Variants in DSTYK observed in about 807,000 individuals in gnomAD.
The protein encoded by DSTYK is dual serine/threonine and tyrosine protein kinase.
A neutral mutation model predicts 98.7 loss-of-function variants in DSTYK; 34 were observed. That is an observed-to-expected ratio of 0.34 (90% CI 0.26 to 0.46). The LOEUF (loss-of-function observed/expected upper bound fraction) is 0.46, where lower values mean the gene tolerates loss of function less well. DSTYK is among the 20% of genes least tolerant of loss of function. The pLI is 1.00. For synonymous variants in DSTYK, 462 were observed against 457.3 expected, an observed-to-expected ratio of 1.01 and a Z score of -0.13; for missense variants, 962 against 1,181.7, an observed-to-expected ratio of 0.81 and a Z score of 2.73.
Position 205,162,926 on chromosome 1 carries a change from T to C in DSTYK, c.1638A>G (p.Lys546=), listed in dbSNP as rs201947656. ...TTCTCTAAGTAATAATCCCTACCTG[T>C]TTGATTTGCTCCCATAGCATCCTTG... ...SVTRMLWEQI[K]QIIQRITWVS... The change falls in exon 5 of 13, where the codon AAA becomes AAG. Residue 546 remains lysine (K), a synonymous_variant. Coordinates refer to ENST00000367162, the MANE Select transcript of DSTYK (RefSeq NM_015375.3). The C allele has an allele frequency of 3.1e-6, 5 of 1,612,002 alleles. No individual in the cohort carries two copies. In the African/African-American group the frequency reaches 5.3e-5, roughly 17 times the overall value.
At chr1:205,152,541 C>T (rs781049121) in intron 10 of DSTYK, among the ~76,000 whole-genome samples, 46 of 152,324 alleles carry the variant, frequency 3.0e-4, no homozygotes, top group African/African-American at 1.1e-3. Context: ...TGTCATTGCG[C>T]AGTGCATGAC....
Position 205,187,737 on chromosome 1 carries a change from G to C in DSTYK, c.335C>G (p.Pro112Arg), listed in dbSNP as rs1447063850. The stretch of plus-strand genomic sequence containing the variant: ...ATCCTGGCCGAGGATCAGTATGCAA[G>C]GGAGGCAGTCCACAATCTGCTGGAG... ...KYLQQIVDCL[P>R]CILILGQDCN... The change falls in exon 2 of 13, where the codon CCT becomes CGT. Residue 112 changes from proline to arginine, a missense_variant. Physicochemically the swap from Pro to Arg is moderately radical, Grantham distance 103 (BLOSUM62 -2). This residue lies in a region of DSTYK where 660 missense variants were observed against 855.0 expected (regional missense o/e 0.77). Coordinates refer to ENST00000367162, the MANE Select transcript of DSTYK (RefSeq NM_015375.3). 1 of 1,614,204 alleles carries C rather than the reference G, an allele frequency of 6.2e-7. No individual in the cohort carries two copies. Among genetic ancestry groups the C allele is most frequent in the Non-Finnish European group, 8.5e-7 (1 of 1,180,042 alleles).
At chr1:205,176,164 A>G (rs564731042) in intron 2 of DSTYK, among the ~76,000 whole-genome samples, 1 of 152,166 alleles carries the variant, frequency 6.6e-6, no homozygotes, top group African/African-American at 2.4e-5. Flanking sequence ...GTTACCACCC[A>G]TTTTCTCGGC....
intron 1 of DSTYK, among the ~76,000 whole-genome samples, chr1:205,197,745 CAG>C (rs1397170989): frequency 1.3e-5 from 2 of 152,184 alleles, no homozygotes; most frequent in African/African-American, 4.8e-5. Flanking sequence ...ATTGCTTGTT[CAG>C]AGTCTGGGGA....
rs565336355 is a variant in DSTYK at position 205,172,049 on chromosome 1, G to A, written c.655-2217C>T. 1.2e-4 allele frequency among the ~76,000 whole-genome samples: 18 copies of A among 152,254 alleles called. 1 individual carries two copies. The East Asian group carries it at 3.5e-3, about 29-fold the overall frequency. ...CGGCTCACTGCAACCTCTGCCTCCT[G>A]GGTTCAAGTGAATTCTCCTGCCTCA... is the stretch of plus-strand genomic sequence containing the variant. On this transcript the variant is annotated intron_variant, in intron 2 of 12. Transcript: ENST00000367162.
At chr1:205,152,182 GTTTTT>G (rs1444750851) in intron 10 of DSTYK, among the ~76,000 whole-genome samples, 1 of 152,036 alleles carries the variant, frequency 6.6e-6, no homozygotes, top group Non-Finnish European at 1.5e-5. Context: ...TTTTTTGTTT[GTTTTT>G]GTTTTTTGAG....
At position 205,147,490 on chromosome 1, in the gene DSTYK, T is replaced by A; in HGVS notation, c.*68A>T. The A allele has an allele frequency of 6.5e-7, 1 of 1,527,530 alleles. No individual in the cohort carries two copies. The highest frequency in any genetic ancestry group is 1.4e-5 in the African/African-American group (1 of 72,664). 94.6% of individuals were successfully genotyped at this position (1,527,530 alleles called of 1,614,324 possible). On this transcript the variant is annotated 3_prime_UTR_variant, in exon 13 of 13. Transcript: ENST00000367162. Reference sequence around the variant, plus strand: ...TGTCCTATAGTGAATAAATGTCAAATTCTCCCCATGGCCAAAAGGTGAGGG... The same window carrying A: ...TGTCCTATAGTGAATAAATGTCAAAATCTCCCCATGGCCAAAAGGTGAGGG...
At chr1:205,208,862 C>T (rs1659282200) in intron 1 of DSTYK, among the ~76,000 whole-genome samples, 1 of 152,152 alleles carries the variant, frequency 6.6e-6, no homozygotes, top group Non-Finnish European at 1.5e-5. Flanking sequence ...AAATGCATCC[C>T]TCAAATATAC....
chr1:205,148,236 G>A lies in DSTYK; in HGVS notation c.2571C>T (p.Ser857=), dbSNP rs369831159. ...KLPEAFERCA[S]KDHLWNNVRR... is the part of the protein sequence containing the mutation. ...GCACATTGTTCCAGAGATGGTCTTT[G>A]CTAGCACACCTCTCAAATGCCTCAG... Residue 857 remains serine (S), a synonymous_variant, in exon 12 of 13, where the codon AGC becomes AGT. Transcript: ENST00000367162. The A allele has an allele frequency of 6.2e-7, 1 of 1,614,090 alleles. No homozygotes were observed. Among genetic ancestry groups the A allele is most frequent in the African/African-American group, 1.3e-5 (1 of 75,030 alleles).
rs117381355 is a variant in DSTYK, at chr1:205,178,280, C to T, written c.655-8448G>A. ...GATCTCAACTCTCTTCTCTCTATCT[C>T]GAATGACAATGGATTAGGTAACCGA... On this transcript the variant is annotated intron_variant, in intron 2 of 12. Transcript: ENST00000367162. 5.3e-4 allele frequency among the ~76,000 whole-genome samples: 80 copies of T among 151,910 alleles called. 2 individuals carry two copies. The East Asian group carries it at 0.012, about 24-fold the overall frequency.
chr1:205,152,233 A>G (rs1328957927), intron 10 of DSTYK, among the ~76,000 whole-genome samples: 2 of 152,326 alleles, frequency 1.3e-5, no homozygotes, highest in Middle Eastern at 3.4e-3. Flanking sequence ...GCTGGAGTGC[A>G]ATGGCATGAT....
At chr1:205,180,189 G>C (rs546028399) in intron 2 of DSTYK, among the ~76,000 whole-genome samples, 1 of 145,954 alleles carries the variant, frequency 6.9e-6, no homozygotes, top group East Asian at 2.4e-4. Context: ...ATGGTTTGCT[G>C]CACCTATCAA....
chr1:205,187,500 T>A lies in DSTYK; in HGVS notation c.572A>T (p.Asp191Val). 6.2e-7 allele frequency: 1 copy of A among 1,614,190 alleles called. No individual in the cohort carries two copies. The highest frequency in any genetic ancestry group is 8.5e-7 in the Non-Finnish European group (1 of 1,180,032). ...QGNWETIPEE[D>V]LEVQENNEDA... ...CTCATTGTTCTCTTGGACCTCCAGATCCTCCTCAGGGATGGTCTCCCAGTT... is the reference window on the plus strand; with the variant it reads ...CTCATTGTTCTCTTGGACCTCCAGAACCTCCTCAGGGATGGTCTCCCAGTT... The change falls in exon 2 of 13, where the codon GAT becomes GTT. Residue 191 changes from aspartate (D) to valine (V), a missense_variant. By Grantham distance (152) the Asp-to-Val change is radical. Coordinates refer to ENST00000367162, the MANE Select transcript of DSTYK (RefSeq NM_015375.3).
intron 1 of DSTYK, among the ~76,000 whole-genome samples, chr1:205,206,810 C>T (rs1010963473): frequency 5.3e-5 from 8 of 151,980 alleles, no homozygotes; most frequent in Admixed American, 1.3e-4. Context: ...TCAAGTGATC[C>T]GCCCTCCTTG....
At position 205,169,959 on chromosome 1, in the gene DSTYK, A is replaced by G. The variant is rs1658009969; in HGVS notation, c.655-127T>C. On this transcript the variant is annotated intron_variant, in intron 2 of 12. Transcript: ENST00000367162. This position sits in a 1 kb window ranked among gnomAD's most constrained non-coding sequence, Gnocchi z 4.0. Reference sequence around the variant, plus strand: ...ACAATTGGACTTCGGTACCCCAGCCATTGATCCACCTCCTTCCTCGGTTAC... The same window carrying G: ...ACAATTGGACTTCGGTACCCCAGCCGTTGATCCACCTCCTTCCTCGGTTAC... The G allele has an allele frequency of 3.6e-6, 3 of 844,922 alleles. No individual in the cohort carries two copies. Among genetic ancestry groups the G allele is most frequent in the Non-Finnish European group, 5.4e-6 (3 of 559,692 alleles). 52.3% of individuals were successfully genotyped at this position (844,922 alleles called of 1,614,324 possible). A position where few individuals can be genotyped will look rare whatever the true frequency, so the allele number is the denominator to read the frequency against.
At chr1:205,203,475 A>T (rs898765867) in intron 1 of DSTYK, among the ~76,000 whole-genome samples, 1 of 126,832 alleles carries the variant, frequency 7.9e-6, no homozygotes, top group East Asian at 2.7e-4. Flanking sequence ...TCAAAAAATA[A>T]AATAAGAAAA....
chr1:205,206,630 T>C (rs1401165463), intron 1 of DSTYK, among the ~76,000 whole-genome samples: 1 of 149,336 alleles, frequency 6.7e-6, no homozygotes, highest in East Asian at 2.0e-4. Flanking sequence ...TCGCCCAGGC[T>C]GGAGCACAGT....
At position 205,202,483 on chromosome 1, in the gene DSTYK, G is replaced by A; in HGVS notation, c.265+8788C>T. On this transcript the variant is annotated intron_variant, in intron 1 of 12. Transcript: ENST00000367162. ...TTTGCTACACATGCTTAAAAATGCA[G>A]AGAGTAATGCTGAACTTAAGGGTTT... 1.2e-5 allele frequency: 10 copies of A among 828,748 alleles called. No homozygotes were observed. In the South Asian group the frequency reaches 1.3e-4, roughly 11 times the overall value. The allele number at this position is 828,748 out of a possible 1,614,324, so 51.3% of individuals were successfully genotyped here.
At position 205,142,919 on chromosome 1, in the gene DSTYK, G is replaced by A. The variant is rs1229534221; in HGVS notation, c.*4639C>T. ...CTATCTGGGCAAGGTGGCCTCCCCA[G>A]TGCTAGATGTCCTGATGCACCTCTG... On this transcript the variant is annotated 3_prime_UTR_variant, in exon 13 of 13. Transcript: ENST00000367162. 1 of 152,162 alleles carries A rather than the reference G, an allele frequency of 6.6e-6. No homozygotes were observed. The highest frequency in any genetic ancestry group is 2.4e-5 in the African/African-American group (1 of 41,444). The allele number at this position is 152,162 out of a possible 1,614,324, so 9.4% of individuals were successfully genotyped here. A position where few individuals can be genotyped will look rare whatever the true frequency, so the allele number is the denominator to read the frequency against.
Sources: gnomAD v4.1 joint callset for allele counts (sites outside exome capture counted in the v4.1 genomes callset) on GRCh38, gnomAD v4.1.1 for gene constraint, gnomAD v4.1.1 regional missense constraint, Gnocchi (gnomAD v3.1) non-coding constraint, MANE v1.5 for transcripts, NCBI Gene and HGNC (gene_info 2026-07-23, HGNC 2026-07-21) for gene names.